ARHGEF9: variants seen among roughly 807,000 people sequenced by gnomAD.
ARHGEF9 encodes Cdc42 guanine nucleotide exchange factor 9.
ARHGEF9 carries 2 observed loss-of-function variants against 41.3 expected under a neutral mutation model. That is an observed-to-expected ratio of 0.05 (90% CI 0.02 to 0.15). The LOEUF is 0.15. Among genes scored for constraint, ARHGEF9 ranks in the 10% least tolerant of loss-of-function variants. ARHGEF9 has a pLI of 1.00. For missense variants in ARHGEF9, 225 were observed against 424.7 expected (o/e 0.53, Z 4.13); for synonymous variants, 160 against 154.4 (o/e 1.04, Z -0.27).
Position 63,648,620 on chromosome X carries a change from T to C in ARHGEF9, c.1322-4572A>G, listed in dbSNP as rs2048300176. 3.6e-5 allele frequency among the ~76,000 whole-genome samples: 4 copies of C among 111,394 alleles called. No homozygotes were observed. In the East Asian group the frequency reaches 8.5e-4, roughly 24 times the overall value. The stretch of plus-strand genomic sequence containing the variant: ...TAACAATACTAACCTTAAATGTAAA[T>C]TGGCTAAATGCTCCAACTAAAAGAC... On this transcript the variant is annotated intron_variant, in intron 8 of 9. Coordinates refer to ENST00000671741, the MANE Select transcript of ARHGEF9 (RefSeq NM_001353921.2).
At chrX:63,638,324 G>A in intron 9 of ARHGEF9, 115 bp from the exon 10 acceptor site, 1 of 678,508 alleles carries the variant, frequency 1.5e-6, no homozygotes, top group Non-Finnish European at 2.3e-6. Context: ...TTTAGAGAGT[G>A]TGAACTGGTT....
intron 2 of ARHGEF9, among the ~76,000 whole-genome samples, chrX:63,710,015 G>T (rs2052808775): frequency 9.3e-6 from 1 of 108,105 alleles, no homozygotes. Flanking sequence ...GAACACATTT[G>T]CCTTGCAAAA....
chrX:63,646,992 A>G (rs782485115), intron 8 of ARHGEF9, among the ~76,000 whole-genome samples: 1 of 111,425 alleles, frequency 9.0e-6, no homozygotes, highest in Non-Finnish European at 1.9e-5. Flanking sequence ...CTTTGAAGCA[A>G]TTGTGAATGG....
intron 2 of ARHGEF9, among the ~76,000 whole-genome samples, chrX:63,723,743 T>C (rs1167692892): frequency 8.9e-6 from 1 of 111,962 alleles, no homozygotes; most frequent in African/African-American, 3.3e-5. Flanking sequence ...TATTCTCCCA[T>C]AGCACCCTGA....
At chrX:63,779,330 A>T (rs2056343830) in intron 1 of ARHGEF9, among the ~76,000 whole-genome samples, 1 of 112,589 alleles carries the variant, frequency 8.9e-6, no homozygotes. Flanking sequence ...ATGGACTCAC[A>T]GTTCCACATG....
intron 5 of ARHGEF9, among the ~76,000 whole-genome samples, chrX:63,675,303 T>C (rs2050193270): frequency 8.9e-6 from 1 of 112,072 alleles, no homozygotes; most frequent in South Asian, 3.7e-4. Context: ...GACCACCTTA[T>C]CATCTCTTCC....
intron 1 of ARHGEF9, among the ~76,000 whole-genome samples, chrX:63,743,783 T>C (rs2055104017): frequency 8.9e-6 from 1 of 112,269 alleles, no homozygotes; most frequent in Non-Finnish European, 1.9e-5. Context: ...AATTTTGGCT[T>C]TCTTCCAAGT....
At chrX:63,682,502 G>A (rs1379203675) in intron 4 of ARHGEF9, among the ~76,000 whole-genome samples, 1 of 107,472 alleles carries the variant, frequency 9.3e-6, no homozygotes, top group Non-Finnish European at 1.9e-5. Context: ...GTGACAGAGC[G>A]AGACTCTGTC....
At chrX:63,721,140 T>C (rs1371577301) in intron 2 of ARHGEF9, among the ~76,000 whole-genome samples, 22 of 111,802 alleles carry the variant, frequency 2.0e-4, no homozygotes, top group African/African-American at 6.5e-4. Context: ...TAGGGTTTCA[T>C]AGAGGTGAAA....
chrX:63,661,857 A>C (rs2049242318), intron 7 of ARHGEF9, among the ~76,000 whole-genome samples: 1 of 112,042 alleles, frequency 8.9e-6, no homozygotes, highest in Non-Finnish European at 1.9e-5. Context: ...TTCCCAATGT[A>C]CAAAACAGGC....
At chrX:63,708,843 G>A (rs1167403035) in intron 2 of ARHGEF9, among the ~76,000 whole-genome samples, 1 of 112,251 alleles carries the variant, frequency 8.9e-6, no homozygotes, top group Non-Finnish European at 1.9e-5. Context: ...ACATTTGAGG[G>A]AAGATGTTTC....
rs1238982954 is a variant in ARHGEF9, at chrX:63,779,363, G to A, written c.30+5753C>T. 8.9e-5 allele frequency among the ~76,000 whole-genome samples: 10 copies of A among 112,275 alleles called. 1 individual carries two copies. The highest frequency in any genetic ancestry group is 2.8e-4 in the Admixed American group (3 of 10,671). On this transcript the variant is annotated intron_variant, in intron 1 of 9. Transcript: ENST00000671741. ...ATGGGTGGGGAGGCCTCACGATCAC[G>A]GCAGAAGGTGAAGGAGGAGCACAGG...
chrX:63,685,250 A>T (rs1602392925), intron 4 of ARHGEF9, among the ~76,000 whole-genome samples: 1 of 111,639 alleles, frequency 9.0e-6, no homozygotes, highest in East Asian at 2.8e-4. Flanking sequence ...ATATTTTTTA[A>T]AACAATCAAA....
At chrX:63,706,088 C>A (rs1306586370) in intron 3 of ARHGEF9, among the ~76,000 whole-genome samples, 170 bp downstream of exon 3, 1 of 111,184 alleles carries the variant, frequency 9.0e-6, no homozygotes, top group East Asian at 2.9e-4. Context: ...GATTGAGAAA[C>A]CCTAAGGAAG....
chrX:63,759,008 C>A (rs2055984151), intron 1 of ARHGEF9, among the ~76,000 whole-genome samples: 1 of 111,271 alleles, frequency 9.0e-6, no homozygotes, highest in Non-Finnish European at 1.9e-5. Flanking sequence ...AGACTCATAT[C>A]TTCCAACCAC....
intron 1 of ARHGEF9, among the ~76,000 whole-genome samples, chrX:63,740,134 C>T (rs1371823429): frequency 8.9e-6 from 1 of 112,125 alleles, no homozygotes; most frequent in East Asian, 2.8e-4. Flanking sequence ...ATCCCTGCTC[C>T]TGATGCCTCC....
chrX:63,689,311 C>T (rs781829171), intron 4 of ARHGEF9, among the ~76,000 whole-genome samples: 55 of 111,434 alleles, frequency 4.9e-4, no homozygotes, highest in African/African-American at 1.6e-3. Flanking sequence ...AAAGATACTG[C>T]GTACAAATAG....
intron 8 of ARHGEF9, among the ~76,000 whole-genome samples, chrX:63,645,858 G>T (rs1232022766): frequency 8.9e-6 from 1 of 111,852 alleles, no homozygotes; most frequent in African/African-American, 3.3e-5. Context: ...GTGTAAAAGT[G>T]TTCCTATTTC....
chrX:63,768,972 G>A (rs1408564809), intron 1 of ARHGEF9, among the ~76,000 whole-genome samples: 3 of 111,813 alleles, frequency 2.7e-5, no homozygotes, highest in East Asian at 2.8e-4. Flanking sequence ...AATTGGTACC[G>A]GGAGTGGGGT....
Sources: allele counts gnomAD v4.1 joint callset (sites outside exome capture counted in the v4.1 genomes callset), GRCh38; gene constraint gnomAD v4.1.1; transcripts MANE v1.5; gene names NCBI Gene and HGNC (gene_info 2026-07-23, HGNC 2026-07-21).